Variants in TENM3 observed in about 807,000 individuals in gnomAD.
TENM3 encodes teneurin-3.
In TENM3, 63 loss-of-function variants were observed where a neutral mutation model predicts 255.1. The ratio of observed to expected loss-of-function variants is 0.25; its 90% CI spans 0.20 to 0.30. TENM3 has a LOEUF of 0.30. Ranked by LOEUF, TENM3 falls within the 10% of genes least tolerant of loss-of-function variation. TENM3 has a pLI of 1.00. For missense variants in TENM3, 2,929 were observed against 3,461.1 expected (o/e 0.85, Z 3.86); for synonymous variants, 1,306 against 1,322.3 (o/e 0.99, Z 0.27).
intron 1 of TENM3, among the ~76,000 whole-genome samples, chr4:182,207,544 C>G (rs966676225): frequency 7.2e-5 from 11 of 152,202 alleles, no homozygotes; most frequent in Non-Finnish European, 8.8e-5. Flanking sequence ...GATGCTCCCC[C>G]TGCTTTTTTG....
chr4:182,101,083 G>GAAA, the TENM3 span, among the ~76,000 whole-genome samples: 1 of 6,092 alleles, frequency 1.6e-4, no homozygotes, highest in Non-Finnish European at 4.1e-4. Context: ...AGGAAGGGAG[G>GAAA]GAGGGAGGGA....
the TENM3 span, among the ~76,000 whole-genome samples, chr4:181,927,069 T>A: frequency 1.3e-5 from 2 of 152,066 alleles, no homozygotes; most frequent in Non-Finnish European, 2.9e-5. Flanking sequence ...TGGGTTTCAA[T>A]CACAAAACCA....
the TENM3 span, among the ~76,000 whole-genome samples, chr4:181,857,592 A>C: frequency 0.055 from 1,428 of 26,004 alleles, 13 homozygotes; most frequent in African/African-American, 0.12. Context: ...AAAACAAAAA[A>C]AAAAAAAACA....
intron 1 of TENM3, among the ~76,000 whole-genome samples, chr4:182,224,119 C>T (rs765064297): frequency 8.5e-5 from 13 of 152,230 alleles, no homozygotes; most frequent in South Asian, 6.2e-4. Context: ...TAAGTATCTT[C>T]GGATAAATTT....
chr4:182,604,437 C>T (rs1748211533), intron 4 of TENM3, among the ~76,000 whole-genome samples: 1 of 152,186 alleles, frequency 6.6e-6, no homozygotes, highest in South Asian at 2.1e-4. Context: ...GGATTATTCA[C>T]TTTTAGGGCA....
chr4:182,522,779 GAT>G (rs1351375765), intron 3 of TENM3, among the ~76,000 whole-genome samples: 1 of 152,180 alleles, frequency 6.6e-6, no homozygotes, highest in Non-Finnish European at 1.5e-5. Flanking sequence ...TGGGAGTACA[GAT>G]ATGTCTGACA....
chr4:181,653,291 G>A, the TENM3 span, among the ~76,000 whole-genome samples: 1 of 152,212 alleles, frequency 6.6e-6, no homozygotes, highest in Admixed American at 6.5e-5. Context: ...TAGGTCTGGG[G>A]CAGGATCGAA....
intron 4 of TENM3, among the ~76,000 whole-genome samples, chr4:182,609,945 CTACCAAGG>C (rs1560998265): frequency 6.6e-6 from 1 of 152,176 alleles, no homozygotes; most frequent in Non-Finnish European, 1.5e-5. Context: ...AAATTGACAT[CTACCAAGG>C]AAATAAAGAT....
chr4:181,551,775 T>C, the TENM3 span, among the ~76,000 whole-genome samples: 1 of 151,432 alleles, frequency 6.6e-6, no homozygotes, highest in South Asian at 2.1e-4. Flanking sequence ...GTTTTATTTG[T>C]TATTTTGTAT....
intron 13 of TENM3, among the ~76,000 whole-genome samples, chr4:182,716,879 G>A (rs1490144170): frequency 1.3e-5 from 2 of 152,154 alleles, no homozygotes; most frequent in Non-Finnish European, 2.9e-5. Flanking sequence ...CCAGAGAGTA[G>A]CTAAGTAACT....
Position 182,514,082 on chromosome 4 carries a change from C to T in TENM3, c.512-86842C>T, listed in dbSNP as rs944576321. On this transcript the variant is annotated intron_variant, in intron 3 of 27. Coordinates refer to ENST00000511685, the MANE Select transcript of TENM3 (RefSeq NM_001080477.4). Reference sequence around the variant, plus strand: ...TTTGTGGCCCTGTTGGGGCGGCATGCCCCCTCCTCTTGGGAACCGTGAGTA... The same window carrying T: ...TTTGTGGCCCTGTTGGGGCGGCATGTCCCCTCCTCTTGGGAACCGTGAGTA... Among the ~76,000 whole-genome samples the T allele has an allele frequency of 3.3e-5, 5 of 152,228 alleles. No individual in the cohort carries two copies. In the East Asian group the frequency reaches 9.6e-4, roughly 29 times the overall value.
the TENM3 span, among the ~76,000 whole-genome samples, chr4:181,452,934 T>C: frequency 1.3e-5 from 2 of 152,148 alleles, no homozygotes; most frequent in Non-Finnish European, 2.9e-5. Context: ...TTGAGCTAAG[T>C]AAAGAATGTT....
At chr4:182,147,103 C>T (rs557577131) in intron 1 of TENM3, among the ~76,000 whole-genome samples, 11 of 152,120 alleles carry the variant, frequency 7.2e-5, no homozygotes, top group African/African-American at 2.6e-4. Flanking sequence ...AATAATGATC[C>T]AGTTAGTAAG....
At chr4:181,629,687 C>G in the TENM3 span, among the ~76,000 whole-genome samples, 1 of 152,084 alleles carries the variant, frequency 6.6e-6, no homozygotes, top group East Asian at 1.9e-4. Context: ...GGATGAAGCC[C>G]ACTTGATCAT....
chr4:181,458,860 T>C, the TENM3 span, among the ~76,000 whole-genome samples: 1 of 152,008 alleles, frequency 6.6e-6, no homozygotes, highest in African/African-American at 2.4e-5. Context: ...ACGCTATGAA[T>C]ATTTAAGTAC....
At chr4:181,922,924 G>C in the TENM3 span, among the ~76,000 whole-genome samples, 18 of 151,996 alleles carry the variant, frequency 1.2e-4, no homozygotes, top group Non-Finnish European at 5.9e-5. Context: ...CAGAGATTCT[G>C]GTATGTTGTG....
intron 3 of TENM3, among the ~76,000 whole-genome samples, chr4:182,456,903 C>T (rs935471708): frequency 2.0e-5 from 3 of 152,140 alleles, no homozygotes; most frequent in Admixed American, 6.5e-5. Context: ...AACAGCTGGG[C>T]CCGGCATGGT....
chr4:182,298,984 CAAAAAAAAAAA>C (rs11283401), intron 1 of TENM3, among the ~76,000 whole-genome samples: 24 of 25,560 alleles, frequency 9.4e-4, no homozygotes, highest in South Asian at 4.0e-3. Context: ...GACTCCTTCT[CAAAAAAAAAAA>C]AAAAAAAAAA....
At chr4:181,493,875 C>T in the TENM3 span, among the ~76,000 whole-genome samples, 1 of 152,156 alleles carries the variant, frequency 6.6e-6, no homozygotes, top group Non-Finnish European at 1.5e-5. Context: ...TTCTGCAGAG[C>T]TCCCTCCATA....
Sources: gnomAD v4.1 joint callset for allele counts (sites outside exome capture counted in the v4.1 genomes callset) on GRCh38, gnomAD v4.1.1 for gene constraint, MANE v1.5 for transcripts, NCBI Gene and HGNC (gene_info 2026-07-23, HGNC 2026-07-21) for gene names.